Variants in PSG11 observed in about 807,000 individuals in gnomAD.
PSG11 encodes pregnancy-specific beta-1-glycoprotein 11.
PSG11 carries 42 observed loss-of-function variants against 36.0 expected under a neutral mutation model. That is an observed-to-expected ratio of 1.17 (90% confidence interval 0.91 to 1.51). The LOEUF (loss-of-function observed/expected upper bound fraction) is 1.51. Ranked by LOEUF, PSG11 falls within the 40% of genes most tolerant of loss-of-function variation. PSG11 has a pLI of 0.00. For missense variants in PSG11, 558 were observed against 403.5 expected (o/e 1.38, Z -3.28); for synonymous variants, 206 against 153.5 (o/e 1.34, Z -2.53).
rs771753176 is a variant in PSG11, at chr19:43,015,262, C to T, written c.818G>A (p.Trp273Ter). ...TAGCTGAAACTTCCCATTAATTGTC[C>T]AAGAATACTGTGCTGGTGGGTTAGA... ...ANSNPPAQYS[W>*]TINGKFQLSG... Residue 273 changes from tryptophan to a stop codon, truncating the protein, a stop_gained, in exon 4 of 6, where the codon TGG (tryptophan) becomes TAG (stop). Transcript: ENST00000320078. LOFTEE classifies it high-confidence loss of function. 1 of 1,611,308 alleles carries T rather than the reference C, an allele frequency of 6.2e-7. No individual in the cohort carries two copies. Among genetic ancestry groups the T allele is most frequent in the Non-Finnish European group, 8.5e-7 (1 of 1,178,500 alleles).
At chr19:43,010,359 C>T (rs1312320389) in intron 4 of PSG11, 18 of 1,533,402 alleles carry the variant, frequency 1.2e-5, no homozygotes, top group Non-Finnish European at 1.7e-6. Context: ...TTCATGGTTG[C>T]ATCTTTTTCT....
At chr19:43,025,696 G>T (rs982481784) in intron 1 of PSG11, among the ~76,000 whole-genome samples, 2 of 132,302 alleles carry the variant, frequency 1.5e-5, no homozygotes, top group Non-Finnish European at 3.2e-5. Flanking sequence ...TTTTATTGAG[G>T]ACAGTGTTTC....
chr19:43,020,221 G>C (rs903165663), intron 2 of PSG11, among the ~76,000 whole-genome samples: 11 of 151,540 alleles, frequency 7.3e-5, no homozygotes, highest in African/African-American at 1.7e-4. Context: ...ATGCAGAAAG[G>C]TTAAAACAAA....
chr19:43,017,983 G>A lies in PSG11; in HGVS notation c.709+787C>T, dbSNP rs369391949. ...GGACAGGCAAATGCTGGTGGTTTTGGAGCAGAAACATATTCCCTGTCCTGG... is the reference window on the plus strand; with the variant it reads ...GGACAGGCAAATGCTGGTGGTTTTGAAGCAGAAACATATTCCCTGTCCTGG... On this transcript the variant is annotated intron_variant, in intron 3 of 5. Coordinates refer to ENST00000320078, the MANE Select transcript of PSG11 (RefSeq NM_002785.3). Among the ~76,000 whole-genome samples, 16 of 151,300 alleles carry A rather than the reference G, an allele frequency of 1.1e-4. 1 individual carries two copies. The highest frequency in any genetic ancestry group is 2.4e-4 in the African/African-American group (10 of 41,042).
intron 1 of PSG11, among the ~76,000 whole-genome samples, chr19:43,025,997 A>G (rs554410301): frequency 1.7e-5 from 2 of 120,528 alleles, no homozygotes; most frequent in South Asian, 2.7e-4. Context: ...CCTGGCGTGC[A>G]GTGGCACTAT....
chr19:43,025,124 A>C (rs867257300), intron 1 of PSG11, 68 bp from the exon 2 acceptor site: 1 of 1,545,292 alleles, frequency 6.5e-7, no homozygotes, highest in Non-Finnish European at 8.7e-7. Flanking sequence ...TGGGGCCCTG[A>C]GTCCTGAGAA....
rs559477028 is a variant in PSG11 at position 43,016,596 on chromosome 19, G to T, written c.710-1226C>A. 4.6e-5 allele frequency among the ~76,000 whole-genome samples: 7 copies of T among 151,590 alleles called. No individual in the cohort carries two copies. The South Asian group carries it at 1.5e-3, about 32-fold the overall frequency. ...ACAGGGGAGACCAGAGTCAAGCCTG[G>T]AGGTCAGTTCAGTCATCAGGCAGTG... On this transcript the variant is annotated intron_variant, in intron 3 of 5. Coordinates refer to ENST00000320078, the MANE Select transcript of PSG11 (RefSeq NM_002785.3).
At position 43,025,116 on chromosome 19, in the gene PSG11, G is replaced by T. The variant is rs561199603; in HGVS notation, c.65-60C>A. 1.4e-4 allele frequency: 226 copies of T among 1,562,784 alleles called. 12 individuals are homozygous for T. The East Asian group carries it at 1.6e-3, about 11-fold the overall frequency. On this transcript the variant is annotated intron_variant, in intron 1 of 5. Coordinates refer to ENST00000320078, the MANE Select transcript of PSG11 (RefSeq NM_002785.3). The stretch of plus-strand genomic sequence containing the variant: ...ACCTATGTATTGGGGTGAAAAGATG[G>T]GGCCCTGAGTCCTGAGAAGGTCTCT...
intron 4 of PSG11, chr19:43,013,969 A>C (rs1229006043): frequency 1.3e-5 from 2 of 151,420 alleles, no homozygotes; most frequent in Admixed American, 1.3e-4. Flanking sequence ...TATATCGTGC[A>C]AAATGGATGA....
chr19:43,015,489 C>T (rs1966939737), intron 3 of PSG11, 119 bp from the exon 4 acceptor site: 3 of 1,385,480 alleles, frequency 2.2e-6, no homozygotes, highest in South Asian at 2.8e-5. Flanking sequence ...CCCAGCCAAA[C>T]CCCCTCTATG....
Position 43,010,205 on chromosome 19 carries a change from T to C in PSG11, c.965-164A>G. ...GGAGATGATTATATTCTTGCAGTTTTTTTTCCCTCTCACCATGTTTCTCAG... is the reference window on the plus strand; with the variant it reads ...GGAGATGATTATATTCTTGCAGTTTCTTTTCCCTCTCACCATGTTTCTCAG... On this transcript the variant is annotated intron_variant, in intron 4 of 5. Transcript: ENST00000320078. 4 of 1,452,394 alleles carry C rather than the reference T, an allele frequency of 2.8e-6. 1 individual carries two copies. Among genetic ancestry groups the C allele is most frequent in the East Asian group, 2.5e-5 (1 of 39,416 alleles). 90.0% of individuals were successfully genotyped at this position (1,452,394 alleles called of 1,614,324 possible). A position where few individuals can be genotyped will look rare whatever the true frequency, so the allele number is the denominator to read the frequency against.
chr19:43,024,332 A>C, intron 2 of PSG11: 1 of 340,730 alleles, frequency 2.9e-6, no homozygotes, highest in Non-Finnish European at 5.3e-6. Context: ...AGCTTCTCTG[A>C]GAGTATCTCA....
intron 4 of PSG11, among the ~76,000 whole-genome samples, chr19:43,011,694 T>A (rs1463006200): frequency 6.6e-6 from 1 of 151,134 alleles, no homozygotes; most frequent in Non-Finnish European, 1.5e-5. Context: ...TTGACCAGCA[T>A]AGGTAACCTG....
At chr19:43,018,002 G>C (rs992600217) in intron 3 of PSG11, among the ~76,000 whole-genome samples, 2 of 151,170 alleles carry the variant, frequency 1.3e-5, no homozygotes, top group African/African-American at 2.4e-5. Context: ...CATATTCCCT[G>C]TCCTGGGTTT....
At chr19:43,024,604 G>A (rs1967189734) in intron 2 of PSG11, 87 bp downstream of exon 2, 1 of 1,600,530 alleles carries the variant, frequency 6.2e-7, no homozygotes. Context: ...AGGGACACAG[G>A]CAATGTCCAG....
chr19:43,020,626 A>G (rs4029166), intron 2 of PSG11, among the ~76,000 whole-genome samples: 3 of 150,950 alleles, frequency 2.0e-5, no homozygotes, highest in Admixed American at 6.6e-5. Flanking sequence ...TAGGTGTGCC[A>G]TGAATTCCAG....
chr19:43,012,745 C>G lies in PSG11; in HGVS notation c.964+2371G>C, dbSNP rs1974108163. Among the ~76,000 whole-genome samples, 3 of 151,476 alleles carry G rather than the reference C, an allele frequency of 2.0e-5. No homozygotes were observed. The South Asian group carries it at 6.3e-4, about 32-fold the overall frequency. ...AGCTGTGGATTCAATGCAATTCCTTCAGAATCTCAGTGACATTTTTGCAGA... is the reference window on the plus strand; with the variant it reads ...AGCTGTGGATTCAATGCAATTCCTTGAGAATCTCAGTGACATTTTTGCAGA... On this transcript the variant is annotated intron_variant, in intron 4 of 5. Coordinates refer to ENST00000320078, the MANE Select transcript of PSG11 (RefSeq NM_002785.3).
chr19:43,008,105 A>T lies in PSG11; in HGVS notation c.*41-63T>A. 2 of 329,188 alleles carry T rather than the reference A, an allele frequency of 6.1e-6. 1 individual carries two copies. Among genetic ancestry groups the T allele is most frequent in the East Asian group, 8.8e-5 (2 of 22,832 alleles). 20.4% of individuals were successfully genotyped at this position (329,188 alleles called of 1,614,324 possible). ...AAATACTTTGAGGAAGAATCAAAGC[A>T]ACTTTCTGGGAATGACAAAGATTTA... On this transcript the variant is annotated intron_variant, in intron 5 of 5. Coordinates refer to ENST00000320078, the MANE Select transcript of PSG11 (RefSeq NM_002785.3).
chr19:43,025,213 C>G, intron 1 of PSG11, 157 bp from the exon 2 acceptor site: 1 of 1,315,358 alleles, frequency 7.6e-7, no homozygotes, highest in South Asian at 1.5e-5. Flanking sequence ...AGAAAAGGGG[C>G]ATGTGTGTTT....
Sources: gnomAD v4.1 joint callset for allele counts (sites outside exome capture counted in the v4.1 genomes callset) on GRCh38, gnomAD v4.1.1 for gene constraint, MANE v1.5 for transcripts, NCBI Gene and HGNC (gene_info 2026-07-23, HGNC 2026-07-21) for gene names.